Variants in SLC39A9 observed in about 807,000 individuals in gnomAD.
SLC39A9 encodes the protein zinc transporter ZIP9.
In SLC39A9, 14 loss-of-function variants were observed where a neutral mutation model predicts 28.4. The ratio of observed to expected loss-of-function variants is 0.49; its 90% CI spans 0.33 to 0.77. The LOEUF (loss-of-function observed/expected upper bound fraction) is 0.77. Ranked by LOEUF, SLC39A9 falls within the 30% of genes least tolerant of loss-of-function variation. SLC39A9 has a pLI of 0.02. For missense variants in SLC39A9, 283 were observed against 381.1 expected (o/e 0.74, Z 2.14); for synonymous variants, 119 against 149.6 (o/e 0.80, Z 1.49).
intron 3 of SLC39A9, among the ~76,000 whole-genome samples, chr14:69,446,945 T>C (rs35231184): frequency 1.5e-5 from 2 of 131,764 alleles, no homozygotes; most frequent in African/African-American, 5.9e-5. Context: ...TATATATATA[T>C]ATAGAGAGAG....
intron 1 of SLC39A9, among the ~76,000 whole-genome samples, chr14:69,421,619 C>T (rs61982397): frequency 0.14 from 20,748 of 152,208 alleles, 1,495 homozygotes; most frequent in East Asian, 0.18. Context: ...GTGGAGTCTA[C>T]GGAGGCAGGC....
intron 1 of SLC39A9, among the ~76,000 whole-genome samples, chr14:69,407,156 A>G (rs1043212064): frequency 2.4e-4 from 36 of 150,384 alleles, no homozygotes; most frequent in African/African-American, 8.8e-4. Flanking sequence ...AGCCCTGGAA[A>G]TTCTTACATG....
chr14:69,405,652 A>G (rs1008658242), intron 1 of SLC39A9, among the ~76,000 whole-genome samples: 4 of 152,218 alleles, frequency 2.6e-5, no homozygotes, highest in African/African-American at 9.6e-5. Context: ...ATATCTGGAA[A>G]GAAATCATCA....
chr14:69,445,237 C>G (rs1885236161), intron 3 of SLC39A9, among the ~76,000 whole-genome samples: 2 of 151,628 alleles, frequency 1.3e-5, no homozygotes, highest in Non-Finnish European at 2.9e-5. Context: ...TCTCCTGCCC[C>G]CCTTCCACCT....
chr14:69,459,052 G>A lies in SLC39A9; in HGVS notation c.*459G>A. ...CCCACCATGTAAGACTGGTGCTTTA[G>A]CATCTATGCCACATGCGTTGATGGA... On this transcript the variant is annotated 3_prime_UTR_variant, in exon 7 of 7. Transcript: ENST00000336643. 1.0e-5 allele frequency: 10 copies of A among 988,638 alleles called. No homozygotes were observed. The South Asian group carries it at 1.4e-4, about 14-fold the overall frequency. 61.2% of individuals were successfully genotyped at this position (988,638 alleles called of 1,614,324 possible).
chr14:69,439,474 T>C (rs1444293692), intron 2 of SLC39A9, among the ~76,000 whole-genome samples: 1 of 152,172 alleles, frequency 6.6e-6, no homozygotes, highest in Non-Finnish European at 1.5e-5. Context: ...AGTAAGGTAT[T>C]CTGTGTTCAT....
chr14:69,416,472 T>C (rs1041420228), intron 1 of SLC39A9, among the ~76,000 whole-genome samples: 4 of 152,256 alleles, frequency 2.6e-5, no homozygotes, highest in Non-Finnish European at 4.4e-5. Context: ...TTTATAAGAC[T>C]TTGGGTATAT....
chr14:69,407,302 C>CCTT (rs1555405708), intron 1 of SLC39A9, among the ~76,000 whole-genome samples: 19 of 143,938 alleles, frequency 1.3e-4, no homozygotes, highest in African/African-American at 4.1e-4. Flanking sequence ...TCCCTTCCTT[C>CCTT]CCTTCCTTCC....
intron 1 of SLC39A9, among the ~76,000 whole-genome samples, chr14:69,405,087 A>G (rs960335784): frequency 3.3e-5 from 5 of 152,164 alleles, no homozygotes; most frequent in Admixed American, 2.0e-4. Flanking sequence ...GTGAGAACTC[A>G]CTGTCACAAG....
chr14:69,438,070 G>A (rs1884866709), intron 2 of SLC39A9, among the ~76,000 whole-genome samples: 1 of 147,994 alleles, frequency 6.8e-6, no homozygotes, highest in Non-Finnish European at 1.5e-5. Flanking sequence ...CACCCAGGCT[G>A]GAGTGCAGTG....
intron 3 of SLC39A9, among the ~76,000 whole-genome samples, chr14:69,452,874 T>C (rs527669728): frequency 6.6e-6 from 1 of 152,316 alleles, no homozygotes; most frequent in South Asian, 2.1e-4. Flanking sequence ...TAGATCACTT[T>C]CCTTGGAATA....
At position 69,436,470 on chromosome 14, in the gene SLC39A9, C is replaced by T. The variant is rs539085074; in HGVS notation, c.206-5599C>T. Among the ~76,000 whole-genome samples, 426 of 152,194 alleles carry T rather than the reference C, an allele frequency of 2.8e-3. 3 individuals carry two copies. Among genetic ancestry groups the T allele is most frequent in the African/African-American group, 9.8e-3 (407 of 41,514 alleles). On this transcript the variant is annotated intron_variant, in intron 2 of 6. Transcript: ENST00000336643. Reference sequence around the variant, plus strand: ...TATGATAACTTGAGAATCTGAGTCCCGTCAAAATCTCTGGAGAATGTTTAT... The same window carrying T: ...TATGATAACTTGAGAATCTGAGTCCTGTCAAAATCTCTGGAGAATGTTTAT...
At chr14:69,413,072 C>A (rs8020817) in intron 1 of SLC39A9, among the ~76,000 whole-genome samples, 93,281 of 151,740 alleles carry the variant, frequency 0.61, 30,904 homozygotes, top group African/African-American at 0.88. Flanking sequence ...ATTTCAAAGA[C>A]TCGGCCAGGC....
chr14:69,412,831 G>A (rs915068661), intron 1 of SLC39A9, among the ~76,000 whole-genome samples: 1 of 152,150 alleles, frequency 6.6e-6, no homozygotes, highest in Admixed American at 6.5e-5. Flanking sequence ...GTAAATAAAT[G>A]CACTTAATTT....
rs117557395 is a variant in SLC39A9, at chr14:69,434,548, C to T, written c.206-7521C>T. ...AAAAAAATTTGAAAAATTAGGTGGG[C>T]GCAGTGACTACAGAAAAATTAGGTG... On this transcript the variant is annotated intron_variant, in intron 2 of 6. Transcript: ENST00000336643. 4.7e-3 allele frequency among the ~76,000 whole-genome samples: 720 copies of T among 151,958 alleles called. 5 individuals carry two copies. Among genetic ancestry groups the T allele is most frequent in the Non-Finnish European group, 6.2e-3 (420 of 67,944 alleles).
At chr14:69,414,713 A>T (rs997230876) in intron 1 of SLC39A9, among the ~76,000 whole-genome samples, 13 of 152,234 alleles carry the variant, frequency 8.5e-5, no homozygotes, top group Admixed American at 6.5e-4. Flanking sequence ...TTACAAATGT[A>T]ACATCCCAAT....
intron 1 of SLC39A9, among the ~76,000 whole-genome samples, chr14:69,415,699 C>T (rs567556369): frequency 7.6e-4 from 116 of 152,242 alleles, no homozygotes; most frequent in African/African-American, 2.6e-3. Context: ...TTGGTGTTGA[C>T]GTTGCAGCTT....
At chr14:69,401,024 AG>A (rs1882603720) in intron 1 of SLC39A9, among the ~76,000 whole-genome samples, 1 of 152,060 alleles carries the variant, frequency 6.6e-6, no homozygotes, top group African/African-American at 2.4e-5. Flanking sequence ...CATATAGATG[AG>A]GAAACGGAGA....
intron 3 of SLC39A9, among the ~76,000 whole-genome samples, chr14:69,442,572 A>G (rs1885100019): frequency 6.6e-6 from 1 of 152,208 alleles, no homozygotes; most frequent in Non-Finnish European, 1.5e-5. Context: ...AAGACTGTGG[A>G]CCTTTTATTG....
Sources: gnomAD v4.1 joint callset for allele counts (sites outside exome capture counted in the v4.1 genomes callset) on GRCh38, gnomAD v4.1.1 for gene constraint, MANE v1.5 for transcripts, NCBI Gene and HGNC (gene_info 2026-07-23, HGNC 2026-07-21) for gene names.